The following NDUFB9 variants were observed in gnomAD, a reference collection of about 807,000 sequenced individuals.
NDUFB9 encodes the protein NADH dehydrogenase [ubiquinone] 1 beta subcomplex subunit 9.
Under a neutral mutation model 30.2 loss-of-function variants are expected in NDUFB9, and 24 were observed. That is an observed-to-expected ratio of 0.80 (90% CI 0.58 to 1.12). The LOEUF (loss-of-function observed/expected upper bound fraction) is 1.12. Ranked by LOEUF, NDUFB9 falls within the 50% of genes most tolerant of loss-of-function variation. The pLI is 0.00. For synonymous variants in NDUFB9, 80 were observed against 84.0 expected (o/e 0.95, Z 0.26); for missense variants, 204 against 226.0 (o/e 0.90, Z 0.62).
At chr8:124,543,840 A>G (rs1822092516) in intron 2 of NDUFB9, among the ~76,000 whole-genome samples, 1 of 152,188 alleles carries the variant, frequency 6.6e-6, no homozygotes, top group Non-Finnish European at 1.5e-5. Context: ...CGACCATACC[A>G]TAGCCTCTAA....
Position 124,547,044 on chromosome 8 carries a change from A to C in NDUFB9, c.339A>C (p.Ala113=), listed in dbSNP as rs778410989. ...CLDDWHPSEK[A]MYPDYFAKRE... is the part of the protein sequence containing the mutation. ...ATGACTGGCATCCTTCTGAGAAGGCAATGTATCCTGATTACTTTGCCAAGA... is the reference window on the plus strand; with the variant it reads ...ATGACTGGCATCCTTCTGAGAAGGCCATGTATCCTGATTACTTTGCCAAGA... The change falls in exon 3 of 4, where the codon GCA becomes GCC. Residue 113 remains alanine, a synonymous_variant. Coordinates refer to ENST00000276689, the MANE Select transcript of NDUFB9 (RefSeq NM_005005.3). 4 of 1,613,032 alleles carry C rather than the reference A, an allele frequency of 2.5e-6. No homozygotes were observed. Among genetic ancestry groups the C allele is most frequent in the Non-Finnish European group, 3.4e-6 (4 of 1,180,014 alleles).
At position 124,539,276 on chromosome 8, in the gene NDUFB9, G is replaced by A; in HGVS notation, c.90G>A (p.Trp30Ter). 1 of 1,614,196 alleles carries A rather than the reference G, an allele frequency of 6.2e-7. No individual in the cohort carries two copies. The highest frequency in any genetic ancestry group is 8.5e-7 in the Non-Finnish European group (1 of 1,180,026). Residue 30 changes from tryptophan (W) to a stop codon, truncating the protein, a stop_gained, in exon 1 of 4, where the codon TGG becomes TGA. Coordinates refer to ENST00000276689, the MANE Select transcript of NDUFB9 (RefSeq NM_005005.3). LOFTEE classifies it high-confidence loss of function. ...YKRALRHLES[W>*]CVQRDKYRYF... ...GGGCGCTACGCCACCTCGAGTCGTG[G>A]TGCGTCCAGAGGTAAGGGATGGGGA...
At chr8:124,539,448 C>G in intron 1 of NDUFB9, 161 bp downstream of exon 1, 1 of 675,178 alleles carries the variant, frequency 1.5e-6, no homozygotes, top group Non-Finnish European at 2.6e-6. Context: ...CAAATCCAGG[C>G]TTCGCCACTT....
In NDUFB9 at chr8:124,539,157, T is replaced by C. The variant is rs767887681; in HGVS notation, c.-30T>C. 1.9e-6 allele frequency: 3 copies of C among 1,613,508 alleles called. No individual in the cohort carries two copies. The highest frequency in any genetic ancestry group is 4.5e-5 in the East Asian group (2 of 44,872). ...CAGCAGGCGTGCAGTTTCCCGGCTCTCCGCGCGGCCGGGGAAGGTCAGCGC... is the reference window on the plus strand; with the variant it reads ...CAGCAGGCGTGCAGTTTCCCGGCTCCCCGCGCGGCCGGGGAAGGTCAGCGC... On this transcript the variant is annotated 5_prime_UTR_variant, in exon 1 of 4. Coordinates refer to ENST00000276689, the MANE Select transcript of NDUFB9 (RefSeq NM_005005.3).
At chr8:124,547,922 T>C (rs1013204414) in intron 3 of NDUFB9, among the ~76,000 whole-genome samples, 7 of 151,636 alleles carry the variant, frequency 4.6e-5, no homozygotes, top group Non-Finnish European at 8.8e-5. Context: ...GAGGTGGAGG[T>C]TGCAATGAGC....
chr8:124,547,132 T>A lies in NDUFB9; in HGVS notation c.408+19T>A. On this transcript the variant is annotated intron_variant, in intron 3 of 3. Coordinates refer to ENST00000276689, the MANE Select transcript of NDUFB9 (RefSeq NM_005005.3). ...ACGAGAGGTGCGTTCTACTTGTACT[T>A]CGTTATTCCTTAGCTATGTAGATGG... 6.4e-7 allele frequency: 1 copy of A among 1,574,436 alleles called. No homozygotes were observed. The highest frequency in any genetic ancestry group is 8.7e-7 in the Non-Finnish European group (1 of 1,144,308).
In NDUFB9 at chr8:124,539,300, G is replaced by A; in HGVS notation, c.101+13G>A. 1.9e-6 allele frequency: 3 copies of A among 1,613,776 alleles called. No homozygotes were observed. Among genetic ancestry groups the A allele is most frequent in the South Asian group, 1.1e-5 (1 of 91,046 alleles). On this transcript the variant is annotated intron_variant, in intron 1 of 3. Transcript: ENST00000276689. ...GGTGCGTCCAGAGGTAAGGGATGGG[G>A]ACCCAGGACTCGGGGAGGTGACCCT... is the stretch of plus-strand genomic sequence containing the variant.
chr8:124,543,466 T>A (rs1276907622), intron 2 of NDUFB9, among the ~76,000 whole-genome samples, 187 bp downstream of exon 2: 1 of 152,232 alleles, frequency 6.6e-6, no homozygotes. Context: ...ATATTGTATT[T>A]TCACAGATTG....
chr8:124,539,581 T>G, intron 1 of NDUFB9: 1 of 414,666 alleles, frequency 2.4e-6, no homozygotes, highest in South Asian at 2.5e-5. Flanking sequence ...GGAAAGTGCC[T>G]AAAATTGTAA....
intron 1 of NDUFB9, among the ~76,000 whole-genome samples, chr8:124,539,811 T>A (rs1416011799): frequency 7.9e-5 from 12 of 152,210 alleles, no homozygotes; most frequent in Admixed American, 7.8e-4. Flanking sequence ...AATTTAGGTC[T>A]TTCTCCAAAG....
At chr8:124,544,677 A>G (rs1381934159) in intron 2 of NDUFB9, among the ~76,000 whole-genome samples, 1 of 152,238 alleles carries the variant, frequency 6.6e-6, no homozygotes, top group Admixed American at 6.5e-5. Flanking sequence ...TCTGTATACA[A>G]CATGGTTTAC....
At chr8:124,540,045 T>C (rs1254680969) in intron 1 of NDUFB9, among the ~76,000 whole-genome samples, 1 of 152,188 alleles carries the variant, frequency 6.6e-6, no homozygotes, top group Non-Finnish European at 1.5e-5. Flanking sequence ...TCGCCTCCAC[T>C]CCAGTCTTAC....
In NDUFB9 at chr8:124,539,159, C is replaced by A. The variant is rs371465329; in HGVS notation, c.-28C>A. 2.5e-6 allele frequency: 4 copies of A among 1,613,702 alleles called. No homozygotes were observed. Among genetic ancestry groups the A allele is most frequent in the African/African-American group, 1.3e-5 (1 of 74,948 alleles). The stretch of plus-strand genomic sequence containing the variant: ...GCAGGCGTGCAGTTTCCCGGCTCTC[C>A]GCGCGGCCGGGGAAGGTCAGCGCCG... On this transcript the variant is annotated 5_prime_UTR_variant, in exon 1 of 4. Coordinates refer to ENST00000276689, the MANE Select transcript of NDUFB9 (RefSeq NM_005005.3).
At chr8:124,542,895 G>C (rs1261304913) in intron 1 of NDUFB9, 192 bp from the exon 2 acceptor site, 4 of 559,226 alleles carry the variant, frequency 7.2e-6, no homozygotes, top group Non-Finnish European at 1.3e-5. Context: ...ATTTAATACA[G>C]TATTTTTTTG....
intron 1 of NDUFB9, chr8:124,539,545 G>A (rs1821840940): frequency 4.0e-6 from 2 of 505,986 alleles, no homozygotes; most frequent in Non-Finnish European, 7.1e-6. Flanking sequence ...AGCGCAGAGG[G>A]TCGCAGGAAA....
At chr8:124,541,271 T>C (rs1002581537) in intron 1 of NDUFB9, among the ~76,000 whole-genome samples, 6 of 152,226 alleles carry the variant, frequency 3.9e-5, no homozygotes, top group African/African-American at 1.4e-4. Flanking sequence ...TCACTCCCCA[T>C]TCTGACTCTT....
intron 2 of NDUFB9, among the ~76,000 whole-genome samples, chr8:124,543,726 C>T (rs1822084861): frequency 3.9e-5 from 6 of 152,104 alleles, no homozygotes; most frequent in Admixed American, 3.3e-4. Flanking sequence ...GATAAATGTG[C>T]GTGTGCTGAC....
chr8:124,539,345 AGAGGCCCCT>A, intron 1 of NDUFB9, 58 bp downstream of exon 1: 1 of 1,490,348 alleles, frequency 6.7e-7, no homozygotes, highest in Admixed American at 1.7e-5. Flanking sequence ...ATGGAGGTGG[AGAGGCCCCT>A]GGGTACCTGG....
At chr8:124,539,493 T>G (rs1586707704) in intron 1 of NDUFB9, 1 of 579,840 alleles carries the variant, frequency 1.7e-6, no homozygotes, top group Non-Finnish European at 3.1e-6. Context: ...GCTTGTCGGG[T>G]CTGGGCGTCA....
Sources: allele counts gnomAD v4.1 joint callset (sites outside exome capture counted in the v4.1 genomes callset), GRCh38; gene constraint gnomAD v4.1.1; transcripts MANE v1.5; gene names NCBI Gene and HGNC (gene_info 2026-07-23, HGNC 2026-07-21).